Variants in FAR2 observed in about 807,000 individuals in gnomAD.
FAR2 encodes epididymis secretory protein Li 81.
In FAR2, 19 loss-of-function variants were observed where a neutral mutation model predicts 56.0. The ratio of observed to expected loss-of-function variants is 0.34; its 90% CI spans 0.24 to 0.50. The LOEUF is 0.50. Among genes scored for constraint, FAR2 ranks in the 20% least tolerant of loss-of-function variants. The pLI is 0.98. For synonymous variants in FAR2, 219 were observed against 218.8 expected (o/e 1.00, Z -0.01); for missense variants, 508 against 642.2 (o/e 0.79, Z 2.26).
At chr12:29,256,062 G>T (rs1948311369) in intron 1 of FAR2, among the ~76,000 whole-genome samples, 2 of 152,054 alleles carry the variant, frequency 1.3e-5, no homozygotes, top group South Asian at 4.1e-4. Context: ...AGTAGAGACA[G>T]GGTTTCATCA....
intron 1 of FAR2, among the ~76,000 whole-genome samples, chr12:29,253,384 T>C (rs186160241): frequency 1.4e-5 from 2 of 147,174 alleles, no homozygotes; most frequent in East Asian, 2.0e-4. Flanking sequence ...TCTAGATAGA[T>C]AGATAGATAT....
At chr12:29,179,900 G>C (rs912840371) in intron 1 of FAR2, among the ~76,000 whole-genome samples, 1 of 152,150 alleles carries the variant, frequency 6.6e-6, no homozygotes, top group Admixed American at 6.5e-5. Flanking sequence ...CTTCCAAGAG[G>C]AGAAAAGTGG....
intron 1 of FAR2, among the ~76,000 whole-genome samples, chr12:29,185,647 G>T (rs1591837667): frequency 6.6e-6 from 1 of 152,172 alleles, no homozygotes. Context: ...TAAAAATTCA[G>T]CAGTGGAAAG....
chr12:29,278,912 A>C (rs1948744071), intron 2 of FAR2, among the ~76,000 whole-genome samples: 1 of 152,160 alleles, frequency 6.6e-6, no homozygotes, highest in Non-Finnish European at 1.5e-5. Flanking sequence ...TTTTATTTTT[A>C]TTTTTTGGAT....
In FAR2 at chr12:29,333,734, T is replaced by C. The variant is rs1565530282; in HGVS notation, c.1488T>C (p.Ile496=). 6.2e-7 allele frequency: 1 copy of C among 1,613,878 alleles called. No individual in the cohort carries two copies. The highest frequency in any genetic ancestry group is 8.5e-7 in the Non-Finnish European group (1 of 1,179,788). The change falls in exon 12 of 12, where the codon ATT becomes ATC. Residue 496 remains isoleucine, a synonymous_variant. Transcript: ENST00000536681. ...SQMARNVWFF[I]VSFCYKFLSY... is the part of the protein sequence containing the mutation. The stretch of plus-strand genomic sequence containing the variant: ...TGGCTCGGAATGTCTGGTTCTTCAT[T>C]GTAAGCTTCTGTTATAAATTCCTCT...
intron 6 of FAR2, among the ~76,000 whole-genome samples, chr12:29,310,472 A>G (rs760826723): frequency 2.9e-4 from 44 of 152,332 alleles, no homozygotes; most frequent in Admixed American, 1.8e-3. Flanking sequence ...CTGAATAAAA[A>G]GTAAATAATA....
At position 29,157,757 on chromosome 12, in the gene FAR2, G is replaced by A. The variant is rs559372669; in HGVS notation, c.-39+8350G>A. On this transcript the variant is annotated intron_variant, in intron 1 of 11. Coordinates refer to ENST00000536681, the MANE Select transcript of FAR2 (RefSeq NM_001271783.2). ...GTGAGCAAAAATCCCAGGTATCCTT[G>A]AAAGCAAGATCCTTGGAAATTAGGA... 2.6e-5 allele frequency among the ~76,000 whole-genome samples: 4 copies of A among 152,308 alleles called. No individual in the cohort carries two copies. The East Asian group carries it at 7.7e-4, about 29-fold the overall frequency.
chr12:29,226,723 C>CA (rs1267627835), intron 1 of FAR2, among the ~76,000 whole-genome samples: 3 of 152,066 alleles, frequency 2.0e-5, no homozygotes, highest in African/African-American at 7.2e-5. Flanking sequence ...GTCCTAGTCC[C>CA]ATCCTGGTTT....
intron 1 of FAR2, among the ~76,000 whole-genome samples, chr12:29,243,451 C>T (rs1392484966): frequency 1.3e-5 from 2 of 152,160 alleles, no homozygotes; most frequent in South Asian, 2.1e-4. Flanking sequence ...TTTTATTTCT[C>T]ATTTGTAAAT....
At chr12:29,211,722 T>C (rs543165197) in intron 1 of FAR2, among the ~76,000 whole-genome samples, 2 of 152,130 alleles carry the variant, frequency 1.3e-5, no homozygotes, top group African/African-American at 4.8e-5. Context: ...AAGATGGTGC[T>C]ATGTGAGTGG....
intron 1 of FAR2, among the ~76,000 whole-genome samples, chr12:29,182,669 T>G (rs1029045906): frequency 6.6e-6 from 1 of 152,176 alleles, no homozygotes; most frequent in African/African-American, 2.4e-5. Flanking sequence ...AGTATGTGCC[T>G]GGAAGGGGTC....
chr12:29,179,052 T>A (rs1235057582), intron 1 of FAR2, among the ~76,000 whole-genome samples: 1 of 152,154 alleles, frequency 6.6e-6, no homozygotes, highest in Non-Finnish European at 1.5e-5. Context: ...TCTCTGTATG[T>A]GTTTGTGTGC....
At chr12:29,307,891 C>A in intron 5 of FAR2, 56 bp downstream of exon 5, 1 of 1,519,170 alleles carries the variant, frequency 6.6e-7, no homozygotes, top group South Asian at 1.2e-5. Flanking sequence ...TTCTTCTAGT[C>A]CAATTACTTT....
intron 1 of FAR2, among the ~76,000 whole-genome samples, chr12:29,237,333 T>A (rs1947957554): frequency 6.6e-6 from 1 of 152,208 alleles, no homozygotes; most frequent in Non-Finnish European, 1.5e-5. Flanking sequence ...ATATTTTCAC[T>A]ACTGGTGCAA....
chr12:29,231,015 G>A (rs904374828), intron 1 of FAR2, among the ~76,000 whole-genome samples: 3 of 152,082 alleles, frequency 2.0e-5, no homozygotes, highest in Non-Finnish European at 4.4e-5. Context: ...AGACAGGCTT[G>A]GGCCAGACTA....
intron 2 of FAR2, among the ~76,000 whole-genome samples, chr12:29,272,929 C>T (rs997718064): frequency 2.0e-5 from 3 of 152,018 alleles, no homozygotes; most frequent in African/African-American, 4.8e-5. Flanking sequence ...GCTGGGCATT[C>T]GCTTCAGGCC....
chr12:29,157,340 T>G (rs1496215), intron 1 of FAR2, among the ~76,000 whole-genome samples: 6 of 151,840 alleles, frequency 4.0e-5, no homozygotes, highest in East Asian at 3.9e-4. Context: ...GCATTTTTCA[T>G]CCTGCAGTTG....
intron 1 of FAR2, among the ~76,000 whole-genome samples, chr12:29,230,246 G>T (rs1369410684): frequency 2.8e-4 from 43 of 152,122 alleles, no homozygotes; most frequent in Non-Finnish European, 2.9e-5. Context: ...AGTCCAGAGT[G>T]TGCAGGTGAG....
chr12:29,279,518 T>C (rs532275692), intron 2 of FAR2, among the ~76,000 whole-genome samples: 46 of 152,318 alleles, frequency 3.0e-4, no homozygotes, highest in African/African-American at 1.1e-3. Context: ...TTATGCTGAG[T>C]TTAGTACACA....
Sources: allele counts gnomAD v4.1 joint callset (sites outside exome capture counted in the v4.1 genomes callset), GRCh38; gene constraint gnomAD v4.1.1; transcripts MANE v1.5; gene names NCBI Gene and HGNC (gene_info 2026-07-23, HGNC 2026-07-21).